Variants in CSMD1 observed in about 807,000 individuals in gnomAD.
The protein encoded by CSMD1 is CUB and sushi domain-containing protein 1.
CSMD1 carries 213 observed loss-of-function variants against 417.5 expected under a neutral mutation model. The ratio of observed to expected loss-of-function variants is 0.51; its 90% confidence interval spans 0.46 to 0.57. CSMD1 has a LOEUF of 0.57. CSMD1 is among the 20% of genes least tolerant of loss of function. The pLI is 0.00. For synonymous variants in CSMD1, 2,862 were observed against 1,736.8 expected, an observed-to-expected ratio of 1.65 and a Z score of -16.11; for missense variants, 6,923 against 4,529.7, an observed-to-expected ratio of 1.53 and a Z score of -15.17.
chr8:3,475,865 C>G (rs1031549081), intron 11 of CSMD1, among the ~76,000 whole-genome samples: 1 of 152,198 alleles, frequency 6.6e-6, no homozygotes, highest in African/African-American at 2.4e-5. Context: ...TAACTAAACT[C>G]TTTCCAATGC....
chr8:3,451,514 A>G (rs1460834319), intron 12 of CSMD1, among the ~76,000 whole-genome samples: 1 of 152,228 alleles, frequency 6.6e-6, no homozygotes, highest in Non-Finnish European at 1.5e-5. Flanking sequence ...GAAGGGATTC[A>G]GTTTCGTCTT....
At chr8:4,183,389 G>A (rs1296855740) in intron 3 of CSMD1, among the ~76,000 whole-genome samples, 1 of 152,166 alleles carries the variant, frequency 6.6e-6, no homozygotes, top group African/African-American at 2.4e-5. Context: ...CAATAAGGAA[G>A]CTGATGTAAA....
intron 3 of CSMD1, among the ~76,000 whole-genome samples, chr8:4,370,434 T>C (rs80316782): frequency 0.014 from 2,154 of 152,272 alleles, 52 homozygotes; most frequent in African/African-American, 0.048. Flanking sequence ...GGTCATCTTG[T>C]ATAATATCTC....
intron 3 of CSMD1, among the ~76,000 whole-genome samples, chr8:4,083,879 G>C (rs1007503103): frequency 1.3e-5 from 2 of 152,136 alleles, no homozygotes; most frequent in Admixed American, 6.5e-5. Flanking sequence ...CACAGCAAAA[G>C]AAACTACCAC....
intron 3 of CSMD1, among the ~76,000 whole-genome samples, chr8:4,198,599 C>G (rs556221879): frequency 6.6e-6 from 1 of 152,260 alleles, no homozygotes; most frequent in East Asian, 1.9e-4. Context: ...TTGATTTTAA[C>G]GTAATGAGTC....
At chr8:3,022,626 G>C (rs1299743744) in intron 51 of CSMD1, among the ~76,000 whole-genome samples, 1 of 151,218 alleles carries the variant, frequency 6.6e-6, no homozygotes, top group African/African-American at 2.4e-5. Context: ...TTACTTGTGA[G>C]TGTGACAAAT....
intron 28 of CSMD1, among the ~76,000 whole-genome samples, chr8:3,223,479 T>C (rs1158474113): frequency 1.3e-5 from 2 of 152,210 alleles, no homozygotes; most frequent in African/African-American, 4.8e-5. Flanking sequence ...AGCCTTCTCA[T>C]ATGGGACACA....
Position 4,525,725 on chromosome 8 carries a change from A to T in CSMD1, c.303-105660T>A, listed in dbSNP as rs149141956. ...CCCAAGCTAGGGATGGTCAGGTGTC[A>T]CCTCGTCATCACATGGGCAATGCTT... On this transcript the variant is annotated intron_variant, in intron 2 of 69. Transcript: ENST00000635120. Among the ~76,000 whole-genome samples, 65 of 152,278 alleles carry T rather than the reference A, an allele frequency of 4.3e-4. 1 individual carries two copies. In the East Asian group the frequency reaches 0.011, roughly 26 times the overall value.
intron 1 of CSMD1, among the ~76,000 whole-genome samples, chr8:4,753,372 T>G (rs9657400): frequency 0.012 from 1,870 of 151,732 alleles, 29 homozygotes; most frequent in African/African-American, 0.043. Context: ...GTAAGGTCTG[T>G]TTTTGTCTCT....
At chr8:4,835,842 G>A (rs1216196567) in intron 1 of CSMD1, among the ~76,000 whole-genome samples, 1 of 151,628 alleles carries the variant, frequency 6.6e-6, no homozygotes, top group Non-Finnish European at 1.5e-5. Flanking sequence ...TGTACATCAA[G>A]CCAACTACTA....
chr8:4,662,207 T>A (rs1411942626), intron 1 of CSMD1, among the ~76,000 whole-genome samples: 2 of 152,190 alleles, frequency 1.3e-5, no homozygotes. Flanking sequence ...ACCTGACATG[T>A]TTGCAAAGTT....
Position 4,108,687 on chromosome 8 carries a change from C to G in CSMD1, c.416-76588G>C, listed in dbSNP as rs77573171. Reference sequence around the variant, plus strand: ...ACAAATTATTTTCCCCCTTTTAGAACAGTTAAGCAGACAATACTTAAAATA... The same window carrying G: ...ACAAATTATTTTCCCCCTTTTAGAAGAGTTAAGCAGACAATACTTAAAATA... On this transcript the variant is annotated intron_variant, in intron 3 of 69. Transcript: ENST00000635120. Among the ~76,000 whole-genome samples the G allele has an allele frequency of 8.1e-3, 1,236 of 152,218 alleles. 18 individuals are homozygous for G. The highest frequency in any genetic ancestry group is 0.028 in the African/African-American group (1,144 of 41,542).
At chr8:4,396,002 T>C (rs1045518165) in intron 3 of CSMD1, among the ~76,000 whole-genome samples, 1 of 152,158 alleles carries the variant, frequency 6.6e-6, no homozygotes, top group Non-Finnish European at 1.5e-5. Context: ...AAATGGAATG[T>C]TTTATAATCA....
At chr8:4,542,134 G>GTAA (rs201476660) in intron 2 of CSMD1, among the ~76,000 whole-genome samples, 2,506 of 152,208 alleles carry the variant, frequency 0.016, 60 homozygotes, top group East Asian at 0.089. Context: ...GTTTGGGCAA[G>GTAA]TAAACACTAT....
At chr8:4,055,543 T>A (rs903140326) in intron 3 of CSMD1, among the ~76,000 whole-genome samples, 1 of 141,274 alleles carries the variant, frequency 7.1e-6, no homozygotes. Flanking sequence ...GTCAAGAATT[T>A]TAATGAATAT....
At chr8:3,337,301 C>A (rs1585019089) in intron 23 of CSMD1, among the ~76,000 whole-genome samples, 1 of 152,274 alleles carries the variant, frequency 6.6e-6, no homozygotes, top group African/African-American at 2.4e-5. Flanking sequence ...TATTATTCAT[C>A]ACTTTTTAAT....
intron 7 of CSMD1, among the ~76,000 whole-genome samples, chr8:3,643,662 C>A (rs550114874): frequency 1.0e-3 from 150 of 145,538 alleles, no homozygotes; most frequent in Admixed American, 2.8e-3. Context: ...GATCGCGCCA[C>A]TGCACCCCAG....
intron 5 of CSMD1, among the ~76,000 whole-genome samples, chr8:3,824,406 T>A (rs980590374): frequency 6.6e-6 from 1 of 152,156 alleles, no homozygotes; most frequent in African/African-American, 2.4e-5. Flanking sequence ...AAGCTCCCAA[T>A]GGGAAAGATG....
intron 7 of CSMD1, among the ~76,000 whole-genome samples, chr8:3,647,452 T>TACAGCATAGAGAAAA (rs1474604269): frequency 6.6e-6 from 1 of 151,578 alleles, no homozygotes; most frequent in Non-Finnish European, 1.5e-5. Flanking sequence ...CATAGAGAAA[T>TACAGCATAGAGAAAA]ACAGCATAGA....
Sources: allele counts gnomAD v4.1 joint callset (sites outside exome capture counted in the v4.1 genomes callset), GRCh38; gene constraint gnomAD v4.1.1; transcripts MANE v1.5; gene names NCBI Gene and HGNC (gene_info 2026-07-23, HGNC 2026-07-21).